ALMS1: variants seen among roughly 807,000 people sequenced by gnomAD.
ALMS1 encodes ALMS1 centrosome and basal body associated protein, also known as centrosome-associated protein ALMS1.
ALMS1 carries 271 observed loss-of-function variants against 352.2 expected under a neutral mutation model. That is an observed-to-expected ratio of 0.77 (90% CI 0.70 to 0.85). The LOEUF is 0.85. ALMS1 is among the 40% of genes least tolerant of loss of function. The probability of loss-of-function intolerance (pLI) is 0.00; values close to 1 mark genes in which losing one functional copy is unlikely to be tolerated. For missense variants in ALMS1, 5,445 were observed against 4,870.7 expected (o/e 1.12, Z -3.51); for synonymous variants, 1,865 against 1,761.2 (o/e 1.06, Z -1.48).
At chr2:73,422,266 C>G (rs1257185941) in intron 3 of ALMS1, among the ~76,000 whole-genome samples, 1 of 152,032 alleles carries the variant, frequency 6.6e-6, no homozygotes, top group Non-Finnish European at 1.5e-5. Context: ...CAATCTGTTG[C>G]TGTATCATAT....
rs775701628 is a variant in ALMS1 at position 73,491,369 on chromosome 2, C to G, written c.9410C>G (p.Thr3137Ser). The G allele has an allele frequency of 1.9e-6, 3 of 1,614,178 alleles. No individual in the cohort carries two copies. Among genetic ancestry groups the G allele is most frequent in the African/African-American group, 2.7e-5 (2 of 75,052 alleles). Residue 3137 changes from threonine to serine, a missense_variant, in exon 10 of 23, where the codon ACT (threonine) becomes AGT (serine). Physicochemically the swap from Thr to Ser is moderately conservative, Grantham distance 58. Coordinates refer to ENST00000613296, the MANE Select transcript of ALMS1 (RefSeq NM_001378454.1). ...VVQPSLPDSN[T>S]ITQDLKTIPS... ...CAGCCTTCTCTTCCAGACAGTAACA[C>G]TATTACTCAGGACTTGAAAACCATA...
At chr2:73,603,379 C>G (rs1053217416) in intron 21 of ALMS1, 75 bp downstream of exon 21, 6 of 1,340,760 alleles carry the variant, frequency 4.5e-6, no homozygotes, top group Non-Finnish European at 5.3e-6. Context: ...CTGGCTTGCA[C>G]CCAGAATAAA....
At chr2:73,514,115 A>G (rs79502947) in intron 10 of ALMS1, among the ~76,000 whole-genome samples, 1,715 of 152,314 alleles carry the variant, frequency 0.011, 32 homozygotes, top group African/African-American at 0.038. Context: ...GTGACCTCAC[A>G]GTAAAGTGCA....
In ALMS1 at chr2:73,572,845, G is replaced by C. The variant is rs1439789927; in HGVS notation, c.10968G>C (p.Gly3656=). ...VSESTHDDSR[G]ERSVKEWSGR... ...AAAGTACACATGATGATAGCAGAGG[G>C]GAACGAAGTGTGAAGGAATGGAGTG... The change falls in exon 16 of 23, where the codon GGG becomes GGC. Residue 3656 remains glycine (G), a synonymous_variant. Transcript: ENST00000613296. 10 of 1,613,892 alleles carry C rather than the reference G, an allele frequency of 6.2e-6. No homozygotes were observed. The highest frequency in any genetic ancestry group is 8.5e-6 in the Non-Finnish European group (10 of 1,180,002).
chr2:73,600,269 A>C (rs1344173069), intron 17 of ALMS1, among the ~76,000 whole-genome samples: 1 of 152,186 alleles, frequency 6.6e-6, no homozygotes, highest in East Asian at 1.9e-4. Context: ...GGTTTCATAA[A>C]ATAAAAATAA....
intron 1 of ALMS1, among the ~76,000 whole-genome samples, chr2:73,386,544 TG>T (rs1307388416): frequency 6.6e-6 from 1 of 151,978 alleles, no homozygotes; most frequent in East Asian, 1.9e-4. Context: ...AGTGGTTGCC[TG>T]GGGAGCATCT....
intron 12 of ALMS1, among the ~76,000 whole-genome samples, chr2:73,542,185 T>TC (rs1674199545): frequency 6.6e-6 from 1 of 152,214 alleles, no homozygotes; most frequent in African/African-American, 2.4e-5. Flanking sequence ...GAAGTGGGCT[T>TC]CATCCCTGGG....
chr2:73,601,576 T>C (rs1380189935), intron 19 of ALMS1, 140 bp downstream of exon 19: 1 of 1,349,474 alleles, frequency 7.4e-7, no homozygotes, highest in Non-Finnish European at 1.0e-6. Context: ...TTCACCTGTT[T>C]TCACGCACGA....
rs977907934 is a variant in ALMS1, at chr2:73,601,059, G to A, written c.11873-136G>A. ...CACAGTCATCCCTGCAGCAAAACCAGACTCAAGGGCACCCTGTGGCCTCTG... is the reference window on the plus strand; with the variant it reads ...CACAGTCATCCCTGCAGCAAAACCAAACTCAAGGGCACCCTGTGGCCTCTG... On this transcript the variant is annotated intron_variant, in intron 18 of 22. Coordinates refer to ENST00000613296, the MANE Select transcript of ALMS1 (RefSeq NM_001378454.1). 6 of 1,472,412 alleles carry A rather than the reference G, an allele frequency of 4.1e-6. No individual in the cohort carries two copies. In the South Asian group the frequency reaches 7.6e-5, roughly 19 times the overall value. The allele number at this position is 1,472,412 out of a possible 1,614,324, so 91.2% of individuals were successfully genotyped here.
At chr2:73,491,522 C>T (rs1254263279) in intron 10 of ALMS1, 24 bp downstream of exon 10, 5 of 1,610,754 alleles carry the variant, frequency 3.1e-6, no homozygotes, top group Non-Finnish European at 4.2e-6. Flanking sequence ...TGATAACAAG[C>T]AAGCTGGATG....
At chr2:73,543,088 A>C (rs1674226375) in intron 12 of ALMS1, among the ~76,000 whole-genome samples, 1 of 152,234 alleles carries the variant, frequency 6.6e-6, no homozygotes, top group African/African-American at 2.4e-5. Context: ...ACAAAGCTGG[A>C]GGCATGACGC....
chr2:73,536,677 C>A (rs1674036192), intron 12 of ALMS1, among the ~76,000 whole-genome samples: 1 of 152,034 alleles, frequency 6.6e-6, no homozygotes, highest in South Asian at 2.1e-4. Context: ...GCAAGACATA[C>A]ATCATTGTTA....
intron 12 of ALMS1, among the ~76,000 whole-genome samples, chr2:73,541,130 C>G (rs1344524695): frequency 1.3e-5 from 2 of 152,192 alleles, no homozygotes; most frequent in Non-Finnish European, 2.9e-5. Flanking sequence ...AAGTAAAGCA[C>G]TCCTCAGCAA....
At chr2:73,401,050 G>T (rs1670863667) in intron 1 of ALMS1, among the ~76,000 whole-genome samples, 1 of 152,318 alleles carries the variant, frequency 6.6e-6, no homozygotes, top group East Asian at 1.9e-4. Flanking sequence ...GCCTTCCAAA[G>T]TGCTGGGATA....
At chr2:73,393,605 C>G (rs989287022) in intron 1 of ALMS1, among the ~76,000 whole-genome samples, 3 of 152,178 alleles carry the variant, frequency 2.0e-5, no homozygotes, top group Admixed American at 1.3e-4. Context: ...ATTCCATACT[C>G]TGCTTCCACA....
At position 73,451,169 on chromosome 2, in the gene ALMS1, C is replaced by T. The variant is rs2103783451; in HGVS notation, c.4642C>T (p.Leu1548Phe). ...LLGSQIPEEALRVSSAPGPAD... is the reference protein window; with the variant it reads ...LLGSQIPEEAFRVSSAPGPAD... ...AGGTAGTCAAATACCTGAAGAGGCTCTCAGAGTTTCTTCTGCTCCTGGACC... is the reference window on the plus strand; with the variant it reads ...AGGTAGTCAAATACCTGAAGAGGCTTTCAGAGTTTCTTCTGCTCCTGGACC... The change falls in exon 8 of 23, where the codon CTC becomes TTC. Residue 1548 changes from leucine to phenylalanine, a missense_variant. Transcript: ENST00000613296. 3 of 1,613,406 alleles carry T rather than the reference C, an allele frequency of 1.9e-6. No individual in the cohort carries two copies. The highest frequency in any genetic ancestry group is 2.5e-6 in the Non-Finnish European group (3 of 1,179,834).
At chr2:73,560,247 G>C (rs923574454) in intron 15 of ALMS1, among the ~76,000 whole-genome samples, 1 of 152,034 alleles carries the variant, frequency 6.6e-6, no homozygotes, top group Admixed American at 6.6e-5. Flanking sequence ...CAAAGGACTT[G>C]AATAGACAAT....
At chr2:73,405,736 C>T (rs1670959943) in intron 1 of ALMS1, among the ~76,000 whole-genome samples, 1 of 151,978 alleles carries the variant, frequency 6.6e-6, no homozygotes, top group Non-Finnish European at 1.5e-5. Context: ...ACTTTTGCTA[C>T]ATTCAATAAG....
At chr2:73,446,925 G>C (rs763221864) in intron 7 of ALMS1, among the ~76,000 whole-genome samples, 1 of 152,066 alleles carries the variant, frequency 6.6e-6, no homozygotes, top group East Asian at 1.9e-4. Flanking sequence ...TTCCCTATAC[G>C]TAAAAAATAG....
Sources: allele counts gnomAD v4.1 joint callset (sites outside exome capture counted in the v4.1 genomes callset), GRCh38; gene constraint gnomAD v4.1.1; transcripts MANE v1.5; gene names NCBI Gene and HGNC (gene_info 2026-07-23, HGNC 2026-07-21).